Variants in PTPRD observed in about 807,000 individuals in gnomAD.
The protein encoded by PTPRD is protein tyrosine phosphatase receptor type D.
PTPRD carries 34 observed loss-of-function variants against 214.5 expected under a neutral mutation model. That is an observed-to-expected ratio of 0.16 (90% CI 0.12 to 0.21). The LOEUF (loss-of-function observed/expected upper bound fraction) is 0.21. Ranked by LOEUF, PTPRD falls within the 10% of genes least tolerant of loss-of-function variation. The probability of loss-of-function intolerance (pLI) is 1.00; values close to 1 mark genes in which losing one functional copy is unlikely to be tolerated. For missense variants in PTPRD, 2,545 were observed against 2,398.7 expected (o/e 1.06, Z -1.27); for synonymous variants, 1,128 against 845.7 (o/e 1.33, Z -5.79).
intron 9 of PTPRD, among the ~76,000 whole-genome samples, chr9:9,299,656 C>T (rs752669556): frequency 4.0e-5 from 6 of 151,780 alleles, no homozygotes; most frequent in Admixed American, 6.6e-5. Context: ...AAAATGATAA[C>T]ATCAGTGACT....
At chr9:10,220,699 G>A (rs183683473) in intron 3 of PTPRD, among the ~76,000 whole-genome samples, 7 of 151,568 alleles carry the variant, frequency 4.6e-5, no homozygotes, top group Admixed American at 1.3e-4. Context: ...AAAAGTATAC[G>A]TTTTTATATT....
At chr9:9,565,028 C>T (rs2084080141) in intron 8 of PTPRD, among the ~76,000 whole-genome samples, 1 of 149,948 alleles carries the variant, frequency 6.7e-6, no homozygotes, top group African/African-American at 2.4e-5. Flanking sequence ...CTCAAGGTCT[C>T]CAATGTCCTG....
At chr9:9,267,973 A>C (rs1040943282) in intron 9 of PTPRD, among the ~76,000 whole-genome samples, 5 of 151,248 alleles carry the variant, frequency 3.3e-5, no homozygotes. Flanking sequence ...GGAACAAGAC[A>C]AGGATGTCCA....
chr9:9,075,365 T>C (rs1041431553), intron 10 of PTPRD, among the ~76,000 whole-genome samples: 2 of 152,132 alleles, frequency 1.3e-5, no homozygotes, highest in Admixed American at 1.3e-4. Flanking sequence ...AATCACCCCG[T>C]TGTACTTTCA....
intron 35 of PTPRD, among the ~76,000 whole-genome samples, chr9:8,415,255 C>G (rs1362953250): frequency 6.6e-6 from 1 of 152,154 alleles, no homozygotes; most frequent in Non-Finnish European, 1.5e-5. Flanking sequence ...TTACTGTGCT[C>G]TCTAACAAAC....
At chr9:9,684,929 C>A (rs1163947876) in intron 7 of PTPRD, among the ~76,000 whole-genome samples, 3 of 151,488 alleles carry the variant, frequency 2.0e-5, no homozygotes, top group Non-Finnish European at 3.0e-5. Context: ...TTTTTCCTAT[C>A]TAAAATAAGA....
intron 3 of PTPRD, among the ~76,000 whole-genome samples, chr9:10,271,156 G>A (rs1196785079): frequency 6.6e-6 from 1 of 151,982 alleles, no homozygotes; most frequent in Non-Finnish European, 1.5e-5. Flanking sequence ...AATACTAAGT[G>A]TAGAGATAAA....
At chr9:8,587,630 TA>T (rs1311053132) in intron 14 of PTPRD, among the ~76,000 whole-genome samples, 4 of 152,164 alleles carry the variant, frequency 2.6e-5, no homozygotes, top group African/African-American at 9.7e-5. Flanking sequence ...TTCAACAGAC[TA>T]AAAGTTCTCT....
At chr9:9,167,145 C>G (rs928815957) in intron 10 of PTPRD, among the ~76,000 whole-genome samples, 1 of 152,094 alleles carries the variant, frequency 6.6e-6, no homozygotes, top group African/African-American at 2.4e-5. Flanking sequence ...AGAACTATGT[C>G]TCCTCATATC....
intron 12 of PTPRD, among the ~76,000 whole-genome samples, chr9:8,692,265 T>C (rs970311461): frequency 1.3e-5 from 2 of 152,232 alleles, no homozygotes; most frequent in African/African-American, 2.4e-5. Context: ...ATAACATTAA[T>C]TGTTTCATTC....
intron 9 of PTPRD, among the ~76,000 whole-genome samples, chr9:9,384,343 CTTTTTTTTTTTTTTTTTTTTTT>C (rs869246078): frequency 0.053 from 1,748 of 33,250 alleles, 26 homozygotes; most frequent in African/African-American, 0.11. Flanking sequence ...GAAGACTAGG[CTTTTTTTTTTTTTTTTTTTTTT>C]TTTTTTTTTT....
At chr9:8,457,454 T>A (rs1250718291) in intron 33 of PTPRD, among the ~76,000 whole-genome samples, 1 of 151,142 alleles carries the variant, frequency 6.6e-6, no homozygotes, top group Non-Finnish European at 1.5e-5. Context: ...GCCCTGGTGA[T>A]TTTTTTTTGT....
chr9:9,109,244 T>C (rs1476540752), intron 10 of PTPRD, among the ~76,000 whole-genome samples: 1 of 152,190 alleles, frequency 6.6e-6, no homozygotes, highest in Non-Finnish European at 1.5e-5. Flanking sequence ...TCTATATCTA[T>C]GTAGAGATTA....
At chr9:10,238,107 G>A (rs1021829905) in intron 3 of PTPRD, among the ~76,000 whole-genome samples, 2 of 151,236 alleles carry the variant, frequency 1.3e-5, no homozygotes, top group Non-Finnish European at 3.0e-5. Context: ...TACTTCACAT[G>A]AGAGAAAGAG....
chr9:8,836,559 G>T (rs2097426511), intron 11 of PTPRD, among the ~76,000 whole-genome samples: 1 of 138,156 alleles, frequency 7.2e-6, no homozygotes, highest in South Asian at 2.5e-4. Flanking sequence ...GTAATTTTAG[G>T]TCTTAAGTTC....
chr9:8,873,712 G>A (rs1053694186), intron 11 of PTPRD, among the ~76,000 whole-genome samples: 14 of 152,184 alleles, frequency 9.2e-5, no homozygotes, highest in African/African-American at 3.4e-4. Context: ...GTAAGTGGTT[G>A]ATTTTAAAGA....
chr9:8,775,260 A>G (rs1037696859), intron 11 of PTPRD, among the ~76,000 whole-genome samples: 1 of 152,330 alleles, frequency 6.6e-6, no homozygotes. Flanking sequence ...GGTCTGTTTA[A>G]GCTTTGTTTA....
At chr9:9,832,392 TTCATTA>T (rs2055177196) in intron 5 of PTPRD, among the ~76,000 whole-genome samples, 7 of 151,940 alleles carry the variant, frequency 4.6e-5, no homozygotes, top group Non-Finnish European at 8.8e-5. Flanking sequence ...TAATAGATAA[TTCATTA>T]AAGTTCTATA....
chr9:10,111,337 C>A lies in PTPRD; in HGVS notation c.-544-77547G>T, dbSNP rs1171720871. ...CACTGCAAGCTCCGCCTCCTGGGTT[C>A]ATGCCATTCTCCTGCCTCAGCCTCC... On this transcript the variant is annotated intron_variant, in intron 3 of 45. Transcript: ENST00000381196. Among the ~76,000 whole-genome samples the A allele has an allele frequency of 4.1e-4, 54 of 132,280 alleles. 1 individual carries two copies. The South Asian group carries it at 6.1e-3, about 15-fold the overall frequency. The allele number at this position is 132,280 out of a possible 152,430, so 86.8% of individuals were successfully genotyped here. A position where few individuals can be genotyped will look rare whatever the true frequency, so the allele number is the denominator to read the frequency against.
Sources: gnomAD v4.1 joint callset for allele counts (sites outside exome capture counted in the v4.1 genomes callset) on GRCh38, gnomAD v4.1.1 for gene constraint, MANE v1.5 for transcripts, NCBI Gene and HGNC (gene_info 2026-07-23, HGNC 2026-07-21) for gene names.